Variants in DGKG observed in about 807,000 individuals in gnomAD.
DGKG encodes DAG kinase gamma.
In DGKG, 78 loss-of-function variants were observed where a neutral mutation model predicts 105.3. The ratio of observed to expected loss-of-function variants is 0.74; its 90% CI spans 0.62 to 0.89. The LOEUF is 0.89. Ranked by LOEUF, DGKG falls within the 40% of genes least tolerant of loss-of-function variation. The probability of loss-of-function intolerance (pLI) is 0.00; values close to 1 mark genes in which losing one functional copy is unlikely to be tolerated. For synonymous variants in DGKG, 346 were observed against 367.1 expected, an observed-to-expected ratio of 0.94 and a Z score of 0.66; for missense variants, 958 against 1,020.1, an observed-to-expected ratio of 0.94 and a Z score of 0.83.
chr3:186,255,811 TG>T (rs112929798), intron 17 of DGKG, among the ~76,000 whole-genome samples: 1 of 151,896 alleles, frequency 6.6e-6, no homozygotes, highest in African/African-American at 2.4e-5. Context: ...GAGGGGACCA[TG>T]GGGGGGCGCT....
At chr3:186,163,918 A>G (rs1378169225) in intron 23 of DGKG, among the ~76,000 whole-genome samples, 2 of 152,210 alleles carry the variant, frequency 1.3e-5, no homozygotes, top group Non-Finnish European at 2.9e-5. Context: ...TCAGAAAGAA[A>G]GGAGAGCAAA....
At chr3:186,268,955 A>G in intron 11 of DGKG, 38 bp from the exon 12 acceptor site, 1 of 1,476,246 alleles carries the variant, frequency 6.8e-7, no homozygotes, top group Non-Finnish European at 9.5e-7. Flanking sequence ...GGAAAATGGC[A>G]GAACCATGTC....
intron 22 of DGKG, among the ~76,000 whole-genome samples, chr3:186,170,635 T>C (rs1716772768): frequency 6.6e-6 from 1 of 152,222 alleles, no homozygotes; most frequent in South Asian, 2.1e-4. Context: ...AATATTGACC[T>C]CAAAGTGGGG....
chr3:186,289,194 T>A (rs1169193812), intron 5 of DGKG, among the ~76,000 whole-genome samples: 2 of 152,224 alleles, frequency 1.3e-5, no homozygotes, highest in African/African-American at 4.8e-5. Flanking sequence ...AAATGTCATT[T>A]GGCCTACTTT....
At chr3:186,357,488 C>T (rs1727025557) in intron 1 of DGKG, among the ~76,000 whole-genome samples, 2 of 152,218 alleles carry the variant, frequency 1.3e-5, no homozygotes, top group African/African-American at 2.4e-5. Context: ...TCAGTCTCTC[C>T]TATCAGCTTT....
intron 13 of DGKG, among the ~76,000 whole-genome samples, chr3:186,265,554 T>C (rs905899529): frequency 1.3e-5 from 2 of 152,088 alleles, no homozygotes; most frequent in African/African-American, 4.8e-5. Context: ...GCAAGGGACA[T>C]AGTGGGGAGC....
intron 21 of DGKG, among the ~76,000 whole-genome samples, chr3:186,198,757 T>C (rs916734213): frequency 6.6e-6 from 1 of 152,216 alleles, no homozygotes; most frequent in Admixed American, 6.5e-5. Flanking sequence ...AGTAGTTACC[T>C]GCATGTCTGC....
rs1342370342 is a variant in DGKG, at chr3:186,297,479, A to G, written c.315T>C (p.Thr105=). The change falls in exon 5 of 25, where the codon ACT becomes ACC. Residue 105 remains threonine, a synonymous_variant. Transcript: ENST00000265022. The part of the protein sequence containing the change: ...ASNSEANSAD[T]NIQNADNATK... ...TGGCATTATCTGCATTCTGTATATT[A>G]GTATCTGAGGAAAAAAAAGAAGATT... 3 of 1,610,806 alleles carry G rather than the reference A, an allele frequency of 1.9e-6. No individual in the cohort carries two copies. The Admixed American group carries it at 5.0e-5, about 27-fold the overall frequency.
At chr3:186,227,513 C>A (rs1009416117) in intron 20 of DGKG, among the ~76,000 whole-genome samples, 3 of 152,058 alleles carry the variant, frequency 2.0e-5, no homozygotes, top group African/African-American at 7.2e-5. Flanking sequence ...TGACCACGAC[C>A]TGGCATAGCA....
chr3:186,151,428 G>T (rs1274341478), intron 24 of DGKG, among the ~76,000 whole-genome samples: 2 of 152,320 alleles, frequency 1.3e-5, no homozygotes, highest in South Asian at 4.1e-4. Flanking sequence ...CCAAAACAAG[G>T]TGGGCATGGA....
At chr3:186,320,749 A>G (rs1035250846) in intron 1 of DGKG, 42 bp from the exon 2 acceptor site, 2 of 319,500 alleles carry the variant, frequency 6.3e-6, no homozygotes, top group African/African-American at 4.3e-5. Flanking sequence ...AGAATGTTAA[A>G]AAAAAAAGGC....
intron 18 of DGKG, 79 bp downstream of exon 18, chr3:186,253,014 G>T: frequency 2.3e-6 from 3 of 1,292,042 alleles, no homozygotes; most frequent in Non-Finnish European, 3.4e-6. Context: ...AAAAGGGTAA[G>T]TTCAGCCTAG....
chr3:186,186,268 C>T (rs759675), intron 22 of DGKG, among the ~76,000 whole-genome samples: 115,399 of 152,058 alleles, frequency 0.76, 44,306 homozygotes, highest in East Asian at 0.93. Flanking sequence ...TTGATGTCAG[C>T]GGAGTTTTGT....
rs569331402 is a variant in DGKG at position 186,299,607 on chromosome 3, C to T, written c.145-1378G>A. Among the ~76,000 whole-genome samples the T allele has an allele frequency of 1.6e-3, 238 of 152,162 alleles. 1 individual carries two copies. The highest frequency in any genetic ancestry group is 2.8e-3 in the Non-Finnish European group (191 of 68,006). On this transcript the variant is annotated intron_variant, in intron 3 of 24. Coordinates refer to ENST00000265022, the MANE Select transcript of DGKG (RefSeq NM_001346.3). The stretch of plus-strand genomic sequence containing the variant: ...CATCTCTCTGTTCCTTTTCTGTCCC[C>T]GAGTCTCTGTGTCTCTTTATTTCAC...
At chr3:186,225,855 C>T (rs760708993) in intron 20 of DGKG, among the ~76,000 whole-genome samples, 4 of 152,208 alleles carry the variant, frequency 2.6e-5, no homozygotes, top group Non-Finnish European at 1.5e-5. Flanking sequence ...CAGATCCTTC[C>T]TGTCTGAGCT....
chr3:186,360,077 C>T (rs977182744), intron 1 of DGKG, among the ~76,000 whole-genome samples: 3 of 152,138 alleles, frequency 2.0e-5, no homozygotes, highest in Non-Finnish European at 4.4e-5. Context: ...CTCGCAGAGG[C>T]TCACACATGC....
chr3:186,207,231 C>T (rs759943211), intron 21 of DGKG, among the ~76,000 whole-genome samples: 4 of 152,104 alleles, frequency 2.6e-5, no homozygotes, highest in East Asian at 1.9e-4. Flanking sequence ...CTGCTTTTGA[C>T]GTTATCTGAA....
chr3:186,314,177 A>G (rs1281201730), intron 2 of DGKG, among the ~76,000 whole-genome samples: 28 of 5,802 alleles, frequency 4.8e-3, no homozygotes, highest in African/African-American at 8.8e-3. Flanking sequence ...ATATCTGCAC[A>G]CACACACACA....
At chr3:186,267,364 C>T (rs1387848839) in intron 13 of DGKG, among the ~76,000 whole-genome samples, 5 of 152,122 alleles carry the variant, frequency 3.3e-5, no homozygotes, top group Non-Finnish European at 2.9e-5. Context: ...ATCTGTGCAG[C>T]GCTGACCTCT....
Sources: allele counts gnomAD v4.1 joint callset (sites outside exome capture counted in the v4.1 genomes callset), GRCh38; gene constraint gnomAD v4.1.1; transcripts MANE v1.5; gene names NCBI Gene and HGNC (gene_info 2026-07-23, HGNC 2026-07-21).